TRIM37: variants seen among roughly 807,000 people sequenced by gnomAD.
The protein encoded by TRIM37 is tripartite motif containing 37.
In TRIM37, 80 loss-of-function variants were observed where a neutral mutation model predicts 129.8. That is an observed-to-expected ratio of 0.62 (90% CI 0.51 to 0.74). TRIM37 has a LOEUF of 0.74. Ranked by LOEUF, TRIM37 falls within the 30% of genes least tolerant of loss-of-function variation. The probability of loss-of-function intolerance (pLI) is 0.00; values close to 1 mark genes in which losing one functional copy is unlikely to be tolerated. For synonymous variants in TRIM37, 389 were observed against 387.1 expected (o/e 1.00, Z -0.06); for missense variants, 1,054 against 1,176.5 (o/e 0.90, Z 1.52).
the TRIM37 span, among the ~76,000 whole-genome samples, chr17:58,977,553 C>T: frequency 5.3e-5 from 8 of 151,820 alleles, no homozygotes; most frequent in African/African-American, 1.2e-4. Flanking sequence ...TTTATAATGT[C>T]GAAGACTAAT....
In TRIM37 at chr17:59,037,234, C is replaced by T. The variant is rs201349782; in HGVS notation, c.1753+4579G>A. Among the ~76,000 whole-genome samples, 1,013 of 152,070 alleles carry T rather than the reference C, an allele frequency of 6.7e-3. 9 individuals are homozygous for T. The highest frequency in any genetic ancestry group is 0.023 in the African/African-American group (943 of 41,490). On this transcript the variant is annotated intron_variant, in intron 17 of 23. Coordinates refer to ENST00000262294, the MANE Select transcript of TRIM37 (RefSeq NM_015294.6). ...TTCCACACTCTGCCCAGTGTCACCC[C>T]GATCTAGCTTTTTCATTGCCTTGGT...
At chr17:59,002,222 G>A (rs994592770) in intron 22 of TRIM37, among the ~76,000 whole-genome samples, 2 of 151,908 alleles carry the variant, frequency 1.3e-5, no homozygotes, top group Non-Finnish European at 2.9e-5. Context: ...TGTGTATGTC[G>A]GTTGATTTGT....
intron 17 of TRIM37, among the ~76,000 whole-genome samples, chr17:59,036,070 A>C (rs1427527624): frequency 6.6e-6 from 1 of 152,134 alleles, no homozygotes; most frequent in Non-Finnish European, 1.5e-5. Flanking sequence ...TCTTGTAATG[A>C]TCAGTGCTGG....
intron 22 of TRIM37, among the ~76,000 whole-genome samples, chr17:59,007,007 T>C (rs892463924): frequency 3.3e-5 from 5 of 152,044 alleles, no homozygotes; most frequent in South Asian, 2.1e-4. Flanking sequence ...GCTGGAGATA[T>C]ATAGAATAAA....
At chr17:59,023,872 A>G (rs117499249) in intron 19 of TRIM37, among the ~76,000 whole-genome samples, 2,143 of 152,240 alleles carry the variant, frequency 0.014, 29 homozygotes, top group South Asian at 0.037. Flanking sequence ...TGCTGATGAT[A>G]TAAATACTTA....
chr17:59,085,285 C>G (rs1318889329), intron 4 of TRIM37, among the ~76,000 whole-genome samples: 2 of 152,034 alleles, frequency 1.3e-5, no homozygotes, highest in Non-Finnish European at 2.9e-5. Flanking sequence ...GATAATCACA[C>G]CACTGCACTC....
intron 2 of TRIM37, among the ~76,000 whole-genome samples, chr17:59,094,530 G>GA (rs1244070521): frequency 6.6e-6 from 1 of 151,832 alleles, no homozygotes; most frequent in Non-Finnish European, 1.5e-5. Context: ...TGCAACAAGA[G>GA]AATCAACATA....
intron 7 of TRIM37, among the ~76,000 whole-genome samples, 174 bp downstream of exon 7, chr17:59,079,580 C>G (rs2043092025): frequency 2.0e-5 from 3 of 152,034 alleles, no homozygotes; most frequent in Admixed American, 2.0e-4. Context: ...GAAAATTTTT[C>G]TCTCCTATCA....
At chr17:59,060,826 G>C (rs2041419123) in intron 12 of TRIM37, among the ~76,000 whole-genome samples, 1 of 152,104 alleles carries the variant, frequency 6.6e-6, no homozygotes, top group Non-Finnish European at 1.5e-5. Flanking sequence ...ATAGTAAAGA[G>C]ATTTCTAAAA....
intron 22 of TRIM37, among the ~76,000 whole-genome samples, chr17:59,006,206 A>C (rs1312873715): frequency 6.6e-6 from 1 of 152,190 alleles, no homozygotes; most frequent in Non-Finnish European, 1.5e-5. Flanking sequence ...GAAGTTTCCT[A>C]CCTTTGTGAA....
chr17:59,092,432 T>C (rs892113457), intron 2 of TRIM37, among the ~76,000 whole-genome samples: 1 of 151,238 alleles, frequency 6.6e-6, no homozygotes, highest in African/African-American at 2.4e-5. Flanking sequence ...GGTTTCATAG[T>C]TCAGTAATTG....
chr17:59,075,596 T>C, intron 8 of TRIM37, 51 bp downstream of exon 8: 2 of 984,286 alleles, frequency 2.0e-6, no homozygotes, highest in South Asian at 1.3e-5. Flanking sequence ...AACTACAGTA[T>C]ACAGAGAAAA....
intron 17 of TRIM37, among the ~76,000 whole-genome samples, chr17:59,034,373 A>G (rs1441399742): frequency 6.6e-6 from 1 of 151,526 alleles, no homozygotes; most frequent in Non-Finnish European, 1.5e-5. Flanking sequence ...TAATGTGGGT[A>G]TGACCTTTGG....
intron 4 of TRIM37, among the ~76,000 whole-genome samples, chr17:59,086,938 C>T (rs1260997929): frequency 6.6e-6 from 1 of 152,092 alleles, no homozygotes; most frequent in Non-Finnish European, 1.5e-5. Flanking sequence ...AACAGTAATA[C>T]CCACCACTTC....
At chr17:58,988,723 CT>C (rs2032055737) in intron 24 of TRIM37, among the ~76,000 whole-genome samples, 1 of 152,142 alleles carries the variant, frequency 6.6e-6, no homozygotes, top group Admixed American at 6.5e-5. Context: ...CAGCACAAAG[CT>C]TCTGAGCCTG....
chr17:59,093,008 G>A (rs2044534715), intron 2 of TRIM37, among the ~76,000 whole-genome samples: 1 of 152,046 alleles, frequency 6.6e-6, no homozygotes, highest in African/African-American at 2.4e-5. Context: ...AATTGAGCCA[G>A]GTGTGGTGGC....
At chr17:59,102,731 G>A (rs2045622364) in intron 2 of TRIM37, among the ~76,000 whole-genome samples, 1 of 152,122 alleles carries the variant, frequency 6.6e-6, no homozygotes, top group Admixed American at 6.5e-5. Flanking sequence ...CAAAGAACAG[G>A]CTATAGAGTT....
chr17:59,017,441 G>A lies in TRIM37; in HGVS notation c.2258-17C>T. ...TATTTGTGGCTGCAAAGACATTTAA[G>A]AACACCTCTGAATAGGCTACTACAG... On this transcript the variant is annotated splice_polypyrimidine_tract_variant and intron_variant, in intron 19 of 23. Transcript: ENST00000262294. The A allele has an allele frequency of 6.2e-7, 1 of 1,613,694 alleles. No homozygotes were observed. Among genetic ancestry groups the A allele is most frequent in the Non-Finnish European group, 8.5e-7 (1 of 1,179,714 alleles).
At chr17:59,093,384 GTCT>G (rs2044571241) in intron 2 of TRIM37, among the ~76,000 whole-genome samples, 1 of 152,110 alleles carries the variant, frequency 6.6e-6, no homozygotes, top group African/African-American at 2.4e-5. Flanking sequence ...GCAAGGTAAT[GTCT>G]TTACATGTTT....
Sources: allele counts gnomAD v4.1 joint callset (sites outside exome capture counted in the v4.1 genomes callset), GRCh38; gene constraint gnomAD v4.1.1; transcripts MANE v1.5; gene names NCBI Gene and HGNC (gene_info 2026-07-23, HGNC 2026-07-21).